Variants in SMG1 observed in about 807,000 individuals in gnomAD.
SMG1 encodes serine/threonine-protein kinase SMG1.
A neutral mutation model predicts 419.9 loss-of-function variants in SMG1; 22 were observed. The observed-to-expected ratio is 0.05, with a 90% CI of 0.04 to 0.07. SMG1 has a LOEUF of 0.07. SMG1 is among the 10% of genes least tolerant of loss of function. The probability of loss-of-function intolerance (pLI) is 1.00; values close to 1 mark genes in which losing one functional copy is unlikely to be tolerated. For missense variants in SMG1, 3,185 were observed against 4,342.0 expected (o/e 0.73, Z 7.49); for synonymous variants, 1,538 against 1,553.5 (o/e 0.99, Z 0.23).
chr16:18,902,000 T>C (rs9939962), intron 1 of SMG1, among the ~76,000 whole-genome samples: 85,145 of 146,466 alleles, frequency 0.58, 25,493 homozygotes, highest in African/African-American at 0.72. Context: ...CATCTGGGGG[T>C]TTTAGGCCAC....
At chr16:18,866,400 A>T in intron 23 of SMG1, 2 of 581,758 alleles carry the variant, frequency 3.4e-6, no homozygotes, top group South Asian at 2.0e-5. Context: ...GTCTTGTTTT[A>T]CAGTGTGATT....
At position 18,864,002 on chromosome 16, in the gene SMG1, C is replaced by T; in HGVS notation, c.3493G>A (p.Gly1165Ser). The T allele has an allele frequency of 6.5e-7, 1 of 1,549,742 alleles. No individual in the cohort carries two copies. Among genetic ancestry groups the T allele is most frequent in the Non-Finnish European group, 8.7e-7 (1 of 1,146,940 alleles). Reference sequence around the variant, plus strand: ...TTATTTAAAAATACTGAACGCTCACCATTCAGAGAATGTTTCGGGCTGGCA... The same window carrying T: ...TTATTTAAAAATACTGAACGCTCACTATTCAGAGAATGTTTCGGGCTGGCA... ...NSASPKHSLN[G>S]ESRKTVLSKP... is the part of the protein sequence containing the mutation. Residue 1165 changes from glycine to serine, a missense_variant and splice_region_variant, in exon 24 of 63, where the codon GGT (glycine) becomes AGT (serine). Physicochemically the swap from Gly to Ser is moderately conservative, Grantham distance 56. This residue lies in a region of SMG1 where 121 missense variants were observed against 125.4 expected (regional missense o/e 0.96). Coordinates refer to ENST00000446231, the MANE Select transcript of SMG1 (RefSeq NM_015092.5).
rs370171439 is a variant in SMG1, at chr16:18,830,367, A to G, written c.8795T>C (p.Leu2932Pro). ...THAHYIDVAR[L>P]LHAQYGELIQ... is the part of the protein sequence containing the mutation. ...TAATTCACCGTACTGAGCATGTAGT[A>G]GTCTACAGAAAAACAAAAGGAGTTA... is the stretch of plus-strand genomic sequence containing the variant. Residue 2932 changes from leucine to proline, a missense_variant and splice_region_variant, in exon 52 of 63, where the codon CTA becomes CCA. Leu to Pro is a moderately conservative substitution (Grantham distance 98). This residue lies in a region of SMG1 where 737 missense variants were observed against 846.6 expected (regional missense o/e 0.87). Transcript: ENST00000446231. 1.9e-6 allele frequency: 3 copies of G among 1,613,612 alleles called. No individual in the cohort carries two copies. The highest frequency in any genetic ancestry group is 1.7e-6 in the Non-Finnish European group (2 of 1,179,814).
chr16:18,806,237 A>G lies in SMG1; in HGVS notation c.*3332T>C, dbSNP rs1425574354. On this transcript the variant is annotated 3_prime_UTR_variant, in exon 63 of 63. Coordinates refer to ENST00000446231, the MANE Select transcript of SMG1 (RefSeq NM_015092.5). ...AAAAACAATGCAGATAACACCAAAC[A>G]TTGGACAATATTAAGAAAACTACTT... 5 of 152,638 alleles carry G rather than the reference A, an allele frequency of 3.3e-5. No individual in the cohort carries two copies. Among genetic ancestry groups the G allele is most frequent in the Non-Finnish European group, 7.3e-5 (5 of 68,044 alleles). 9.5% of individuals were successfully genotyped at this position (152,638 alleles called of 1,614,324 possible). A position where few individuals can be genotyped will look rare whatever the true frequency, so the allele number is the denominator to read the frequency against.
chr16:18,833,203 T>C, intron 50 of SMG1, 37 bp from the exon 51 acceptor site: 1 of 1,546,910 alleles, frequency 6.5e-7, no homozygotes, highest in South Asian at 1.2e-5. Flanking sequence ...TAATGTTTTT[T>C]GAGTTTAGCT....
chr16:18,845,512 C>A lies in SMG1; in HGVS notation c.6136G>T (p.Asp2046Tyr). Residue 2046 changes from aspartate (D) to tyrosine (Y), a missense_variant, in exon 39 of 63, where the codon GAT becomes TAT. By Grantham distance (160) the Asp-to-Tyr change is radical (BLOSUM62 -3). This residue lies in a region of SMG1 where 159 missense variants were observed against 196.0 expected (regional missense o/e 0.81). Coordinates refer to ENST00000446231, the MANE Select transcript of SMG1 (RefSeq NM_015092.5). Reference sequence around the variant, plus strand: ...TTTTCTAGGGCATTTTCAATGGCATCACCATAGTTATCCTGAAACCATTTT... The same window carrying A: ...TTTTCTAGGGCATTTTCAATGGCATAACCATAGTTATCCTGAAACCATTTT... ...HEKWFQDNYG[D>Y]AIENALEKLK... 1.2e-6 allele frequency: 2 copies of A among 1,613,900 alleles called. No individual in the cohort carries two copies. The highest frequency in any genetic ancestry group is 1.7e-6 in the Non-Finnish European group (2 of 1,179,876).
chr16:18,892,694 T>C (rs867599058), intron 3 of SMG1, among the ~76,000 whole-genome samples: 5 of 151,850 alleles, frequency 3.3e-5, no homozygotes, highest in Non-Finnish European at 7.4e-5. Flanking sequence ...GATCACCCCA[T>C]TGCACTCCAG....
Position 18,877,214 on chromosome 16 carries a change from T to A in SMG1, c.1537A>T (p.Thr513Ser). ...LLTLIVEQIN[T>S]KLPSSFVEKL... ...TCTACAAATGATGATGGCAGTTTCGTATTTATCTGTTCAACAATCTAAAAG... is the reference window on the plus strand; with the variant it reads ...TCTACAAATGATGATGGCAGTTTCGAATTTATCTGTTCAACAATCTAAAAG... Residue 513 changes from threonine (T) to serine (S), a missense_variant, in exon 12 of 63, where the codon ACG becomes TCG. Transcript: ENST00000446231. 3.2e-6 allele frequency: 5 copies of A among 1,547,960 alleles called. No individual in the cohort carries two copies. The highest frequency in any genetic ancestry group is 4.3e-6 in the Non-Finnish European group (5 of 1,150,196).
chr16:18,887,738 CA>C lies in SMG1; in HGVS notation c.822+1633del, dbSNP rs559910995. Among the ~76,000 whole-genome samples the C allele has an allele frequency of 7.8e-3, 620 of 79,008 alleles. 15 individuals are homozygous for C. The highest frequency in any genetic ancestry group is 0.03 in the African/African-American group (600 of 19,818). The allele number at this position is 79,008 out of a possible 152,430, so 51.8% of individuals were successfully genotyped here. On this transcript the variant is annotated intron_variant, in intron 6 of 62. Coordinates refer to ENST00000446231, the MANE Select transcript of SMG1 (RefSeq NM_015092.5). ...CTTTATATTTTTTAAACTACATACC[CA>C]AAATAAAGCATATCAAAAACAGTAA...
intron 51 of SMG1, 87 bp downstream of exon 51, chr16:18,832,853 G>T: frequency 8.4e-7 from 1 of 1,197,518 alleles, no homozygotes; most frequent in Non-Finnish European, 1.2e-6. Context: ...AAAACTAAAA[G>T]TAAACTTACG....
At chr16:18,859,287 G>A in intron 27 of SMG1, 106 bp from the exon 28 acceptor site, 1 of 769,916 alleles carries the variant, frequency 1.3e-6, no homozygotes, top group Non-Finnish European at 2.1e-6. Context: ...AAAGTTAGGG[G>A]GCAGTAAGAG....
intron 45 of SMG1, 137 bp downstream of exon 45, chr16:18,837,877 T>G: frequency 1.2e-6 from 1 of 812,118 alleles, no homozygotes; most frequent in Non-Finnish European, 1.9e-6. Context: ...CAAACTGCCA[T>G]ATTTAACTGC....
Position 18,896,974 on chromosome 16 carries a change from T to C in SMG1, c.93-18A>G, listed in dbSNP as rs1224014456. On this transcript the variant is annotated intron_variant, in intron 1 of 62. Coordinates refer to ENST00000446231, the MANE Select transcript of SMG1 (RefSeq NM_015092.5). Reference sequence around the variant, plus strand: ...TATCAGTTCTATAAAAAGAGAAAAGTTTAAGATTAGAACTTTAAATAACAT... The same window carrying C: ...TATCAGTTCTATAAAAAGAGAAAAGCTTAAGATTAGAACTTTAAATAACAT... 6.0e-6 allele frequency: 9 copies of C among 1,490,044 alleles called. No homozygotes were observed. Among genetic ancestry groups the C allele is most frequent in the Non-Finnish European group, 8.2e-6 (9 of 1,101,134 alleles). 92.3% of individuals were successfully genotyped at this position (1,490,044 alleles called of 1,614,324 possible). A position where few individuals can be genotyped will look rare whatever the true frequency, so the allele number is the denominator to read the frequency against.
chr16:18,876,308 A>G lies in SMG1; in HGVS notation c.1706T>C (p.Leu569Ser). The change falls in exon 13 of 63, where the codon TTG (leucine) becomes TCG (serine). Residue 569 changes from leucine (L) to serine (S), a missense_variant. Coordinates refer to ENST00000446231, the MANE Select transcript of SMG1 (RefSeq NM_015092.5). The part of the protein sequence containing the change: ...PVLETAYKLI[L>S]GEMTCALNNL... ...GTTTAGGGCACAAGTCATTTCTCCC[A>G]ATATTAACTTATAGGCAGTCTCCAA... 1.9e-6 allele frequency: 3 copies of G among 1,611,808 alleles called. No individual in the cohort carries two copies. Among genetic ancestry groups the G allele is most frequent in the Non-Finnish European group, 2.5e-6 (3 of 1,179,696 alleles).
chr16:18,853,545 C>A, intron 31 of SMG1, 38 bp downstream of exon 31: 1 of 1,453,126 alleles, frequency 6.9e-7, no homozygotes, highest in Non-Finnish European at 9.1e-7. Flanking sequence ...AATATAGCTT[C>A]TAAAATTAAT....
chr16:18,890,687 T>C (rs539091307), intron 5 of SMG1, among the ~76,000 whole-genome samples, 176 bp downstream of exon 5: 9 of 152,322 alleles, frequency 5.9e-5, no homozygotes, highest in African/African-American at 2.2e-4. Flanking sequence ...GTGGATTCCA[T>C]TTGTATTCAA....
chr16:18,820,636 C>CTTTCCTGCA (rs1362509269), intron 55 of SMG1, among the ~76,000 whole-genome samples: 2 of 152,204 alleles, frequency 1.3e-5, no homozygotes, highest in Non-Finnish European at 2.9e-5. Flanking sequence ...ACTCCCTCTA[C>CTTTCCTGCA]TTTCCTGCAT....
chr16:18,812,163 A>G (rs1221300186), intron 60 of SMG1, 36 bp from the exon 61 acceptor site: 2 of 1,592,312 alleles, frequency 1.3e-6, no homozygotes, highest in Admixed American at 1.7e-5. Context: ...ATTTACATGT[A>G]AACAGAACAT....
chr16:18,868,436 C>T, intron 21 of SMG1, 82 bp from the exon 22 acceptor site: 2 of 1,469,344 alleles, frequency 1.4e-6, no homozygotes, highest in Non-Finnish European at 1.9e-6. Context: ...ACCAAATACA[C>T]AAGTCTACTG....
Sources: gnomAD v4.1 joint callset for allele counts (sites outside exome capture counted in the v4.1 genomes callset) on GRCh38, gnomAD v4.1.1 for gene constraint, gnomAD v4.1.1 regional missense constraint, MANE v1.5 for transcripts, NCBI Gene and HGNC (gene_info 2026-07-23, HGNC 2026-07-21) for gene names.